Variants in GLB1L3 observed in about 807,000 individuals in gnomAD.
GLB1L3 encodes the protein beta-galactosidase-1-like protein 3.
Under a neutral mutation model 89.5 loss-of-function variants are expected in GLB1L3, and 89 were observed. The observed-to-expected ratio is 0.99, with a 90% CI of 0.84 to 1.19. The LOEUF (loss-of-function observed/expected upper bound fraction) is 1.19, where lower values mean the gene tolerates loss of function less well. GLB1L3 is among the 50% of genes most tolerant of loss of function. GLB1L3 has a pLI of 0.00. For synonymous variants in GLB1L3, 314 were observed against 312.3 expected, an observed-to-expected ratio of 1.01 and a Z score of -0.06; for missense variants, 812 against 813.3, an observed-to-expected ratio of 1.00 and a Z score of 0.02.
chr11:134,309,218 G>T (rs1942595771), intron 10 of GLB1L3, among the ~76,000 whole-genome samples: 1 of 152,202 alleles, frequency 6.6e-6, no homozygotes, highest in Non-Finnish European at 1.5e-5. Context: ...GAAAAAAAGT[G>T]TTCAAAAATC....
chr11:134,308,253 T>TCATCACCATCACCACCATCAC (rs1565412683), intron 10 of GLB1L3, among the ~76,000 whole-genome samples: 1 of 21,532 alleles, frequency 4.6e-5, no homozygotes, highest in Admixed American at 5.1e-4. Flanking sequence ...ATCACCACCA[T>TCATCACCATCACCACCATCAC]CACCACCACC....
chr11:134,308,685 C>CCACCATCATCACCAT (rs1942568420), intron 10 of GLB1L3, among the ~76,000 whole-genome samples: 1 of 151,422 alleles, frequency 6.6e-6, no homozygotes, highest in African/African-American at 2.4e-5. Flanking sequence ...AACACCACCA[C>CCACCATCATCACCAT]CACCACTACC....
At position 134,279,571 on chromosome 11, in the gene GLB1L3, G is replaced by A. The variant is rs369781138; in HGVS notation, c.362+1659G>A. Among the ~76,000 whole-genome samples, 148 of 151,874 alleles carry A rather than the reference G, an allele frequency of 9.7e-4. 1 individual carries two copies. Among genetic ancestry groups the A allele is most frequent in the African/African-American group, 3.3e-3 (137 of 41,444 alleles). On this transcript the variant is annotated intron_variant, in intron 3 of 19. Coordinates refer to ENST00000431683, the MANE Select transcript of GLB1L3 (RefSeq NM_001080407.3). ...AGTAGAGATGGGGTTTCACCATATC[G>A]GTCAGGCTGGTCTCAAACTCCTGAC...
chr11:134,305,231 C>T, intron 9 of GLB1L3: 1 of 800,876 alleles, frequency 1.2e-6, no homozygotes. Context: ...TTCTGATGCA[C>T]TGAATTATGT....
chr11:134,316,380 A>G (rs1224952487), intron 18 of GLB1L3, among the ~76,000 whole-genome samples: 1 of 152,170 alleles, frequency 6.6e-6, no homozygotes, highest in Admixed American at 6.5e-5. Flanking sequence ...GTTCATATTG[A>G]AATACAGAAA....
chr11:134,277,825 G>T lies in GLB1L3; in HGVS notation c.275G>T (p.Gly92Val). 2 of 1,614,046 alleles carry T rather than the reference G, an allele frequency of 1.2e-6. No homozygotes were observed. Among genetic ancestry groups the T allele is most frequent in the Middle Eastern group, 3.3e-4 (2 of 6,060 alleles). The change falls in exon 3 of 20, where the codon GGC (glycine) becomes GTC (valine). Residue 92 changes from glycine (G) to valine (V), a missense_variant. This residue lies in a region of GLB1L3 where 191 missense variants were observed against 191.4 expected (regional missense o/e 1.00). Coordinates refer to ENST00000431683, the MANE Select transcript of GLB1L3 (RefSeq NM_001080407.3). The part of the protein sequence containing the change: ...LEGHKFLIFG[G>V]SIHYFRVPRE... ...GGCCACAAGTTCCTGATCTTCGGGG[G>T]CTCCATCCACTATTTCCGGGTGCCC...
intron 8 of GLB1L3, chr11:134,292,878 AATC>A: frequency 1.8e-6 from 1 of 545,218 alleles, no homozygotes; most frequent in Admixed American, 3.4e-5. Flanking sequence ...TTTCCAGTCT[AATC>A]ATGTCAGGGA....
intron 8 of GLB1L3, chr11:134,292,483 C>T (rs546780846): frequency 7.5e-4 from 231 of 307,102 alleles, no homozygotes; most frequent in Non-Finnish European, 9.5e-4. Flanking sequence ...TTCCATCTCC[C>T]ATAGTTTTTC....
chr11:134,276,815 CG>C, intron 1 of GLB1L3, 52 bp downstream of exon 1: 2 of 1,348,296 alleles, frequency 1.5e-6, no homozygotes, highest in Non-Finnish European at 9.5e-7. Flanking sequence ...GGCGCGTGCC[CG>C]GGAGCCTCCA....
chr11:134,277,037 G>A (rs1940406709), intron 1 of GLB1L3: 1 of 572,772 alleles, frequency 1.7e-6, no homozygotes, highest in Admixed American at 3.2e-5. Context: ...CGAACCTGGT[G>A]CTGGAAGTGC....
intron 18 of GLB1L3, among the ~76,000 whole-genome samples, chr11:134,315,952 A>G (rs776290062): frequency 6.6e-5 from 10 of 152,204 alleles, no homozygotes; most frequent in Non-Finnish European, 1.5e-4. Context: ...ATTTGGTTGC[A>G]TCCTCTAAGT....
intron 7 of GLB1L3, among the ~76,000 whole-genome samples, chr11:134,290,876 C>T (rs1941320293): frequency 2.0e-5 from 3 of 152,128 alleles, no homozygotes; most frequent in Admixed American, 2.0e-4. Flanking sequence ...TCTTCTTCCT[C>T]TTCTTTCAGT....
chr11:134,277,569 C>T, intron 2 of GLB1L3, 118 bp downstream of exon 2: 2 of 1,516,444 alleles, frequency 1.3e-6, no homozygotes, highest in Non-Finnish European at 1.8e-6. Context: ...AGAACACGTC[C>T]TACTAACATA....
intron 18 of GLB1L3, among the ~76,000 whole-genome samples, chr11:134,315,596 C>T (rs1021349340): frequency 6.6e-6 from 1 of 152,006 alleles, no homozygotes; most frequent in Non-Finnish European, 1.5e-5. Context: ...AAATATATTG[C>T]CTTTAAAATA....
chr11:134,276,917 C>T (rs983789311), intron 1 of GLB1L3, among the ~76,000 whole-genome samples, 154 bp downstream of exon 1: 1 of 152,196 alleles, frequency 6.6e-6, no homozygotes, highest in African/African-American at 2.4e-5. Flanking sequence ...CTTTCCTCGG[C>T]AGATCCCCTG....
chr11:134,298,863 G>A (rs1325231334), intron 9 of GLB1L3, among the ~76,000 whole-genome samples: 1 of 152,144 alleles, frequency 6.6e-6, no homozygotes, highest in African/African-American at 2.4e-5. Context: ...GCAAGATTAG[G>A]TCATTAATTT....
At chr11:134,278,377 C>T (rs1488425819) in intron 3 of GLB1L3, among the ~76,000 whole-genome samples, 1 of 152,040 alleles carries the variant, frequency 6.6e-6, no homozygotes, top group Non-Finnish European at 1.5e-5. Context: ...TTCTACTTCT[C>T]TGGCTCAGGT....
chr11:134,308,092 A>G (rs1246238581), intron 10 of GLB1L3, among the ~76,000 whole-genome samples: 1 of 151,050 alleles, frequency 6.6e-6, no homozygotes, highest in Non-Finnish European at 1.5e-5. Context: ...ACTACCACCA[A>G]CAATAATGCC....
chr11:134,321,037 A>T (rs1943161116), downstream of GLB1L3, among the ~76,000 whole-genome samples: 1 of 152,216 alleles, frequency 6.6e-6, no homozygotes, highest in South Asian at 2.1e-4. Context: ...GGAAAGTCTG[A>T]CTTTTAAGAA....
Sources: gnomAD v4.1 joint callset for allele counts (sites outside exome capture counted in the v4.1 genomes callset) on GRCh38, gnomAD v4.1.1 for gene constraint, gnomAD v4.1.1 regional missense constraint, MANE v1.5 for transcripts, NCBI Gene and HGNC (gene_info 2026-07-23, HGNC 2026-07-21) for gene names.